The following TSTD2 variants were observed in gnomAD, a reference collection of about 807,000 sequenced individuals.
TSTD2 encodes thiosulfate sulfurtransferase/rhodanese-like domain-containing protein 2.
Under a neutral mutation model 47.9 loss-of-function variants are expected in TSTD2, and 37 were observed. The ratio of observed to expected loss-of-function variants is 0.77; its 90% confidence interval spans 0.59 to 1.02. The LOEUF is 1.02. Ranked by LOEUF, TSTD2 falls within the 50% of genes least tolerant of loss-of-function variation. The pLI is 0.00. For synonymous variants in TSTD2, 201 were observed against 215.9 expected (o/e 0.93, Z 0.61); for missense variants, 586 against 616.0 (o/e 0.95, Z 0.52).
rs991484171 is a variant in TSTD2, at chr9:97,602,336, C to T, written c.*133G>A. ...CTCCCCTCCCGCTGTGAAGTGTAGACGGCTGCCACGGTGGCAGCGGCCAGA... is the reference window on the plus strand; with the variant it reads ...CTCCCCTCCCGCTGTGAAGTGTAGATGGCTGCCACGGTGGCAGCGGCCAGA... On this transcript the variant is annotated 3_prime_UTR_variant, in exon 10 of 10. Transcript: ENST00000341170. 30 of 1,074,974 alleles carry T rather than the reference C, an allele frequency of 2.8e-5. No individual in the cohort carries two copies. Among genetic ancestry groups the T allele is most frequent in the South Asian group, 3.5e-5 (2 of 57,396 alleles). 66.6% of individuals were successfully genotyped at this position (1,074,974 alleles called of 1,614,324 possible). A position where few individuals can be genotyped will look rare whatever the true frequency, so the allele number is the denominator to read the frequency against.
rs1183539876 is a variant in TSTD2 at position 97,623,874 on chromosome 9, A to G, written c.482+1807T>C. Reference sequence around the variant, plus strand: ...TCTGTCTCAAAAAAAAAAAGAAAAAACCTCACAAACAATGTCAACTGACTG... The same window carrying G: ...TCTGTCTCAAAAAAAAAAAGAAAAAGCCTCACAAACAATGTCAACTGACTG... On this transcript the variant is annotated intron_variant, in intron 3 of 9. Transcript: ENST00000341170. Among the ~76,000 whole-genome samples, 3 of 151,822 alleles carry G rather than the reference A, an allele frequency of 2.0e-5. No individual in the cohort carries two copies. The East Asian group carries it at 5.8e-4, about 29-fold the overall frequency.
At chr9:97,631,914 C>T (rs1193127195) in intron 1 of TSTD2, among the ~76,000 whole-genome samples, 7 of 152,150 alleles carry the variant, frequency 4.6e-5, no homozygotes, top group Non-Finnish European at 7.4e-5. Context: ...CACAGAGCAC[C>T]TTCCCCCTAC....
At chr9:97,610,234 C>A in intron 6 of TSTD2, 112 bp downstream of exon 6, 1 of 860,734 alleles carries the variant, frequency 1.2e-6, no homozygotes, top group East Asian at 2.8e-5. Flanking sequence ...CACCCCACAG[C>A]TGCTTTAGAG....
At position 97,600,110 on chromosome 9, in the gene TSTD2, A is replaced by G. The variant is rs1826219460; in HGVS notation, c.*2359T>C. ...TTGAAGTATTATAAAACACTTTATT[A>G]CAAATTTGTCTTAGCTATTAGCAAA... On this transcript the variant is annotated 3_prime_UTR_variant, in exon 10 of 10. Coordinates refer to ENST00000341170, the MANE Select transcript of TSTD2 (RefSeq NM_139246.5). The G allele has an allele frequency of 2.0e-6, 2 of 1,007,008 alleles. No individual in the cohort carries two copies. The highest frequency in any genetic ancestry group is 1.0e-4 in the Admixed American group (2 of 19,170). The allele number at this position is 1,007,008 out of a possible 1,614,324, so 62.4% of individuals were successfully genotyped here.
intron 4 of TSTD2, among the ~76,000 whole-genome samples, chr9:97,615,144 CAGAGCA>C (rs909709484): frequency 5.9e-5 from 9 of 152,230 alleles, no homozygotes; most frequent in African/African-American, 2.2e-4. Flanking sequence ...ATAGCTAGGG[CAGAGCA>C]TGCTCTAAAC....
At chr9:97,608,189 A>G (rs1360971631) in intron 6 of TSTD2, among the ~76,000 whole-genome samples, 2 of 152,138 alleles carry the variant, frequency 1.3e-5, no homozygotes, top group East Asian at 3.9e-4. Flanking sequence ...TCTCAAACAA[A>G]CAAACATGGG....
chr9:97,600,968 T>TA lies in TSTD2; in HGVS notation c.*1500dup. 8.6e-7 allele frequency: 1 copy of TA among 1,161,970 alleles called. No homozygotes were observed. Among genetic ancestry groups the TA allele is most frequent in the East Asian group, 7.5e-5 (1 of 13,302 alleles). 72.0% of individuals were successfully genotyped at this position (1,161,970 alleles called of 1,614,324 possible). A position where few individuals can be genotyped will look rare whatever the true frequency, so the allele number is the denominator to read the frequency against. ...TTAGTGATTTCAGCAAATCTCATGATAAAGGACAAGGTCAAGAACTCCAGA... is the reference window on the plus strand; with the variant it reads ...TTAGTGATTTCAGCAAATCTCATGATAAAAGGACAAGGTCAAGAACTCCAGA... On this transcript the variant is annotated 3_prime_UTR_variant, in exon 10 of 10. Coordinates refer to ENST00000341170, the MANE Select transcript of TSTD2 (RefSeq NM_139246.5).
chr9:97,606,419 T>C (rs920753131), intron 6 of TSTD2, among the ~76,000 whole-genome samples, 158 bp from the exon 7 acceptor site: 1 of 152,222 alleles, frequency 6.6e-6, no homozygotes, highest in Admixed American at 6.5e-5. Flanking sequence ...TACTTGATGA[T>C]CATGATGAAA....
intron 1 of TSTD2, 89 bp from the exon 2 acceptor site, chr9:97,627,701 G>A (rs1186590277): frequency 3.7e-6 from 3 of 820,732 alleles, no homozygotes; most frequent in Non-Finnish European, 5.6e-6. Context: ...AATCAGCATG[G>A]GCAAAGTAGC....
At chr9:97,605,426 C>T in intron 8 of TSTD2, 57 bp downstream of exon 8, 35 of 1,600,778 alleles carry the variant, frequency 2.2e-5, no homozygotes, top group Non-Finnish European at 3.0e-5. Context: ...ACGTAAGCTG[C>T]TGGTGGAGCT....
At chr9:97,612,974 C>T (rs1256497209) in intron 4 of TSTD2, among the ~76,000 whole-genome samples, 1 of 152,210 alleles carries the variant, frequency 6.6e-6, no homozygotes, top group Non-Finnish European at 1.5e-5. Context: ...TGCTATGGAG[C>T]TACAATAGTC....
intron 5 of TSTD2, 38 bp downstream of exon 5, chr9:97,611,536 G>C (rs1826459497): frequency 1.3e-6 from 2 of 1,549,246 alleles, no homozygotes; most frequent in East Asian, 4.6e-5. Flanking sequence ...GGCAGAAGCA[G>C]ATGGCTCTAG....
At chr9:97,626,428 G>A (rs1392143196) in intron 2 of TSTD2, among the ~76,000 whole-genome samples, 1 of 152,104 alleles carries the variant, frequency 6.6e-6, no homozygotes, top group Non-Finnish European at 1.5e-5. Context: ...ATAATATTAA[G>A]TGAAAAAAAT....
chr9:97,604,232 T>C (rs1826326404), intron 9 of TSTD2: 1 of 153,108 alleles, frequency 6.5e-6, no homozygotes, highest in South Asian at 2.1e-4. Context: ...ATGAAAGTAT[T>C]GTGAATCCTA....
chr9:97,617,694 G>A lies in TSTD2; in HGVS notation c.603+63C>T, dbSNP rs1234801545. 1.9e-6 allele frequency: 3 copies of A among 1,545,288 alleles called. No homozygotes were observed. In the East Asian group the frequency reaches 6.9e-5, roughly 36 times the overall value. ...CTTTTTTATAATGAGCACAGCATTT[G>A]CAATCCAAGGTTGGCAGGCAAGATG... On this transcript the variant is annotated intron_variant, in intron 4 of 9. Coordinates refer to ENST00000341170, the MANE Select transcript of TSTD2 (RefSeq NM_139246.5).
At chr9:97,632,425 T>G (rs1239732737) in intron 1 of TSTD2, among the ~76,000 whole-genome samples, 1 of 151,696 alleles carries the variant, frequency 6.6e-6, no homozygotes, top group African/African-American at 2.4e-5. Flanking sequence ...CAGGCTGGAG[T>G]GCAGTGTGCG....
rs1160185936 is a variant in TSTD2 at position 97,602,683 on chromosome 9, G to T, written c.1337C>A (p.Ala446Asp). ...GGCTGTGAATCCTTGTCCTTGACAG[G>T]CAGGGCAGGTCAAAACGAGCTGGCG... ...QCRQLVLTCP[A>D]CQGQGFTACC... Residue 446 changes from alanine to aspartate, a missense_variant, in exon 10 of 10, where the codon GCC becomes GAC. Transcript: ENST00000341170. 4.3e-6 allele frequency: 7 copies of T among 1,614,222 alleles called. No individual in the cohort carries two copies. The highest frequency in any genetic ancestry group is 5.1e-6 in the Non-Finnish European group (6 of 1,180,048).
At chr9:97,614,131 C>G (rs1266882451) in intron 4 of TSTD2, among the ~76,000 whole-genome samples, 1 of 152,122 alleles carries the variant, frequency 6.6e-6, no homozygotes, top group Non-Finnish European at 1.5e-5. Context: ...CCCAGCCCTA[C>G]CTGATCAACT....
chr9:97,613,737 A>G (rs970678165), intron 4 of TSTD2, among the ~76,000 whole-genome samples: 3 of 152,118 alleles, frequency 2.0e-5, no homozygotes, highest in African/African-American at 7.2e-5. Flanking sequence ...ACTGATATAT[A>G]CCAGTACTTC....
Sources: allele counts gnomAD v4.1 joint callset (sites outside exome capture counted in the v4.1 genomes callset), GRCh38; gene constraint gnomAD v4.1.1; transcripts MANE v1.5; gene names NCBI Gene and HGNC (gene_info 2026-07-23, HGNC 2026-07-21).